SHROOM3: variants seen among roughly 807,000 people sequenced by gnomAD.
The protein encoded by SHROOM3 is shroom family member 3, also known as protein Shroom3.
SHROOM3 carries 47 observed loss-of-function variants against 138.6 expected under a neutral mutation model. That is an observed-to-expected ratio of 0.34 (90% CI 0.27 to 0.43). SHROOM3 has a LOEUF of 0.43. SHROOM3 is among the 20% of genes least tolerant of loss of function. SHROOM3 has a pLI of 1.00. For missense variants in SHROOM3, 2,491 were observed against 2,596.5 expected, an observed-to-expected ratio of 0.96 and a Z score of 0.88; for synonymous variants, 1,062 against 1,063.3, an observed-to-expected ratio of 1.00 and a Z score of 0.02.
chr4:76,528,064 C>T (rs897842731), intron 1 of SHROOM3, among the ~76,000 whole-genome samples: 5 of 152,188 alleles, frequency 3.3e-5, no homozygotes, highest in Non-Finnish European at 7.3e-5. Flanking sequence ...AAGAGAGCAT[C>T]AAGCCTCTCA....
chr4:76,447,011 A>C (rs540595701), intron 1 of SHROOM3, among the ~76,000 whole-genome samples: 1 of 151,218 alleles, frequency 6.6e-6, no homozygotes, highest in African/African-American at 2.4e-5. Context: ...CTAATAGTAC[A>C]CTCTCTTGGC....
chr4:76,722,590 A>G (rs1720583920), intron 3 of SHROOM3, among the ~76,000 whole-genome samples: 1 of 152,062 alleles, frequency 6.6e-6, no homozygotes, highest in Non-Finnish European at 1.5e-5. Flanking sequence ...AATAATCTAT[A>G]TAACACCCCC....
intron 1 of SHROOM3, among the ~76,000 whole-genome samples, chr4:76,471,683 G>A (rs1049541901): frequency 2.2e-4 from 33 of 152,278 alleles, no homozygotes; most frequent in African/African-American, 7.2e-4. Flanking sequence ...ACATATGAAT[G>A]TATTAAGAAT....
intron 2 of SHROOM3, among the ~76,000 whole-genome samples, chr4:76,672,551 T>A (rs567647705): frequency 1.3e-5 from 2 of 151,740 alleles, no homozygotes; most frequent in Non-Finnish European, 2.9e-5. Context: ...TACTGATATG[T>A]CACCATTTTG....
chr4:76,546,386 G>T (rs958469173), intron 1 of SHROOM3, among the ~76,000 whole-genome samples: 1 of 152,222 alleles, frequency 6.6e-6, no homozygotes, highest in Non-Finnish European at 1.5e-5. Flanking sequence ...TCTGTACCCT[G>T]TGGCACTCAT....
At chr4:76,505,243 A>G (rs1413521367) in intron 1 of SHROOM3, among the ~76,000 whole-genome samples, 1 of 152,238 alleles carries the variant, frequency 6.6e-6, no homozygotes, top group Non-Finnish European at 1.5e-5. Flanking sequence ...TATCTGATAA[A>G]TGGCAGTAAC....
At chr4:76,745,387 T>C (rs1560611648) in intron 5 of SHROOM3, among the ~76,000 whole-genome samples, 1 of 152,238 alleles carries the variant, frequency 6.6e-6, no homozygotes. Flanking sequence ...GAGACTTCTC[T>C]GGTTCTCACA....
intron 5 of SHROOM3, 117 bp from the exon 6 acceptor site, chr4:76,748,900 C>T (rs1022265198): frequency 1.1e-6 from 1 of 872,308 alleles, no homozygotes; most frequent in African/African-American, 1.7e-5. Context: ...ACCACGTGGC[C>T]TGACAATAGT....
At chr4:76,494,696 C>A (rs1441392213) in intron 1 of SHROOM3, among the ~76,000 whole-genome samples, 1 of 152,160 alleles carries the variant, frequency 6.6e-6, no homozygotes, top group Non-Finnish European at 1.5e-5. Flanking sequence ...AGCCACAAAA[C>A]CTGGTATTTT....
At chr4:76,527,889 C>T (rs1732733163) in intron 1 of SHROOM3, among the ~76,000 whole-genome samples, 2 of 152,162 alleles carry the variant, frequency 1.3e-5, no homozygotes, top group Admixed American at 6.5e-5. Flanking sequence ...GCTTGGCTTT[C>T]CTGAACCAAT....
intron 1 of SHROOM3, among the ~76,000 whole-genome samples, chr4:76,441,128 C>A (rs1009840041): frequency 2.7e-4 from 33 of 124,086 alleles, no homozygotes; most frequent in Non-Finnish European, 3.8e-4. Context: ...CTCACTCTGT[C>A]GCCCAGGCTG....
chr4:76,449,089 A>G (rs1351272491), intron 1 of SHROOM3, among the ~76,000 whole-genome samples: 1 of 152,144 alleles, frequency 6.6e-6, no homozygotes, highest in Non-Finnish European at 1.5e-5. Flanking sequence ...TGAATGAATC[A>G]AGCATCTCTG....
chr4:76,655,082 A>G (rs1736037673), intron 2 of SHROOM3, among the ~76,000 whole-genome samples: 2 of 152,204 alleles, frequency 1.3e-5, no homozygotes, highest in African/African-American at 4.8e-5. Flanking sequence ...TTTGTTGAAG[A>G]AAGGAATGAT....
intron 1 of SHROOM3, among the ~76,000 whole-genome samples, chr4:76,476,114 A>G (rs942627260): frequency 1.3e-5 from 2 of 152,242 alleles, no homozygotes; most frequent in African/African-American, 4.8e-5. Flanking sequence ...CCAGCAGAAT[A>G]TGTCTATGAT....
chr4:76,655,376 A>G (rs73826412), intron 2 of SHROOM3, among the ~76,000 whole-genome samples: 1 of 152,202 alleles, frequency 6.6e-6, no homozygotes, highest in Non-Finnish European at 1.5e-5. Context: ...AGTCATTTAT[A>G]CATTTTTAGC....
intron 2 of SHROOM3, among the ~76,000 whole-genome samples, chr4:76,641,789 C>A (rs1287332658): frequency 6.6e-6 from 1 of 152,140 alleles, no homozygotes; most frequent in Non-Finnish European, 1.5e-5. Flanking sequence ...GGCCTCAAAC[C>A]AAATGCAGAA....
chr4:76,531,997 T>A (rs371345142), intron 1 of SHROOM3, among the ~76,000 whole-genome samples: 160 of 151,478 alleles, frequency 1.1e-3, no homozygotes, highest in African/African-American at 3.6e-3. Flanking sequence ...CATGTTGGTG[T>A]GCTGCACCCA....
At chr4:76,600,972 A>G (rs915493481) in intron 2 of SHROOM3, among the ~76,000 whole-genome samples, 1 of 152,210 alleles carries the variant, frequency 6.6e-6, no homozygotes, top group African/African-American at 2.4e-5. Context: ...GAAAGTCTGT[A>G]TTTTTATACT....
At chr4:76,494,202 A>G (rs1192197999) in intron 1 of SHROOM3, among the ~76,000 whole-genome samples, 1 of 150,852 alleles carries the variant, frequency 6.6e-6, no homozygotes, top group Non-Finnish European at 1.5e-5. Context: ...ATTTCTCAAC[A>G]GAAAAATGAT....
Sources: allele counts gnomAD v4.1 joint callset (sites outside exome capture counted in the v4.1 genomes callset), GRCh38; gene constraint gnomAD v4.1.1; transcripts MANE v1.5; gene names NCBI Gene and HGNC (gene_info 2026-07-23, HGNC 2026-07-21).